The following MAGI3 variants were observed in gnomAD, a reference collection of about 807,000 sequenced individuals.
MAGI3 encodes membrane associated guanylate kinase, WW and PDZ domain containing 3, also known as membrane-associated guanylate kinase, WW and PDZ domain-containing protein 3.
In MAGI3, 43 loss-of-function variants were observed where a neutral mutation model predicts 121.8. That is an observed-to-expected ratio of 0.35 (90% CI 0.28 to 0.46). The LOEUF (loss-of-function observed/expected upper bound fraction) is 0.46, where lower values mean the gene tolerates loss of function less well. Among genes scored for constraint, MAGI3 ranks in the 20% least tolerant of loss-of-function variants. The probability of loss-of-function intolerance (pLI) is 1.00; values close to 1 mark genes in which losing one functional copy is unlikely to be tolerated. For synonymous variants in MAGI3, 553 were observed against 639.3 expected (o/e 0.86, Z 2.04); for missense variants, 1,547 against 1,797.3 (o/e 0.86, Z 2.52).
At chr1:113,522,984 A>G (rs147493788) in intron 1 of MAGI3, among the ~76,000 whole-genome samples, 1 of 152,294 alleles carries the variant, frequency 6.6e-6, no homozygotes, top group Non-Finnish European at 1.5e-5. Context: ...TGTAACTACT[A>G]CAATTCCCAT....
At chr1:113,585,363 C>T (rs1408413892) in intron 3 of MAGI3, 24 bp from the exon 4 acceptor site, 14 of 1,604,768 alleles carry the variant, frequency 8.7e-6, no homozygotes, top group African/African-American at 2.7e-5. Flanking sequence ...TTAGTAATTT[C>T]AGCTGCTATT....
At chr1:113,623,103 A>T in intron 9 of MAGI3, 109 bp downstream of exon 9, 3 of 751,710 alleles carry the variant, frequency 4.0e-6, no homozygotes. Flanking sequence ...TATATAACTA[A>T]AGAAAGAGAT....
At chr1:113,541,346 T>C (rs1470434494) in intron 1 of MAGI3, among the ~76,000 whole-genome samples, 1 of 152,214 alleles carries the variant, frequency 6.6e-6, no homozygotes, top group African/African-American at 2.4e-5. Context: ...GGAGCCTTTC[T>C]TGTGACTGCT....
chr1:113,406,135 AT>A (rs554223058), intron 1 of MAGI3, among the ~76,000 whole-genome samples: 1 of 151,960 alleles, frequency 6.6e-6, no homozygotes, highest in South Asian at 2.1e-4. Flanking sequence ...CTTTAAAAAA[AT>A]CATCTTAAAA....
At chr1:113,455,816 A>G (rs887835554) in intron 1 of MAGI3, among the ~76,000 whole-genome samples, 2 of 152,162 alleles carry the variant, frequency 1.3e-5, no homozygotes, top group African/African-American at 4.8e-5. Flanking sequence ...CTCCCCAAGT[A>G]TATCATAATT....
At chr1:113,478,045 A>C (rs1457533865) in intron 1 of MAGI3, among the ~76,000 whole-genome samples, 1 of 152,184 alleles carries the variant, frequency 6.6e-6, no homozygotes, top group Non-Finnish European at 1.5e-5. Flanking sequence ...TGCAGGCGTC[A>C]CGAAGTTCTC....
At position 113,642,497 on chromosome 1, in the gene MAGI3, A is replaced by G. The variant is rs766205155; in HGVS notation, c.1947A>G (p.Pro649=). The stretch of plus-strand genomic sequence containing the variant: ...AGTTTCCAGTAGGTGCTGATGTACC[A>G]TTGCTTATCTTAAGAGGAGGTAAGT... The part of the protein sequence containing the change: ...LKQFPVGADV[P]LLILRGGPPS... The change falls in exon 10 of 21, where the codon CCA becomes CCG. Residue 649 remains proline (P), a synonymous_variant. Coordinates refer to ENST00000307546, the MANE Select transcript of MAGI3 (RefSeq NM_001142782.2). The G allele has an allele frequency of 5.0e-6, 8 of 1,611,738 alleles. No individual in the cohort carries two copies. In the East Asian group the frequency reaches 6.7e-5, roughly 13 times the overall value.
intron 1 of MAGI3, among the ~76,000 whole-genome samples, chr1:113,510,050 T>C (rs1448795957): frequency 2.6e-5 from 4 of 152,204 alleles, no homozygotes; most frequent in Non-Finnish European, 4.4e-5. Flanking sequence ...TTCTGTGGCA[T>C]TGGAATGAGC....
intron 7 of MAGI3, among the ~76,000 whole-genome samples, chr1:113,619,405 A>T (rs1054881448): frequency 1.3e-5 from 2 of 152,158 alleles, no homozygotes; most frequent in Admixed American, 1.3e-4. Context: ...TGCCTTTTTT[A>T]AAAAAATTAA....
chr1:113,437,213 TAA>T (rs1271618996), intron 1 of MAGI3, among the ~76,000 whole-genome samples: 2 of 152,006 alleles, frequency 1.3e-5, no homozygotes, highest in Non-Finnish European at 2.9e-5. Flanking sequence ...TAATATTTTA[TAA>T]GTTTTAATAT....
At chr1:113,465,641 A>AT (rs1299483370) in intron 1 of MAGI3, among the ~76,000 whole-genome samples, 1 of 152,166 alleles carries the variant, frequency 6.6e-6, no homozygotes, top group African/African-American at 2.4e-5. Flanking sequence ...TAAACATGGA[A>AT]TATCTTTCAA....
At chr1:113,508,370 T>G (rs928966104) in intron 1 of MAGI3, among the ~76,000 whole-genome samples, 11 of 152,142 alleles carry the variant, frequency 7.2e-5, no homozygotes, top group Non-Finnish European at 1.6e-4. Flanking sequence ...TTTAATTCCT[T>G]TGGTCAAAAG....
At chr1:113,480,245 T>C (rs1656045390) in intron 1 of MAGI3, among the ~76,000 whole-genome samples, 1 of 152,232 alleles carries the variant, frequency 6.6e-6, no homozygotes. Context: ...TGACTAGCTT[T>C]GGCAGGGAAT....
chr1:113,622,991 C>A lies in MAGI3; in HGVS notation c.1357C>A (p.Pro453Thr). 6.6e-7 allele frequency: 1 copy of A among 1,503,940 alleles called. No individual in the cohort carries two copies. The highest frequency in any genetic ancestry group is 1.4e-5 in the South Asian group (1 of 70,262). The allele number at this position is 1,503,940 out of a possible 1,614,324, so 93.2% of individuals were successfully genotyped here. Reference protein sequence around the residue: ...GPAAQDGKIAPGDVIVDINGN... With the variant: ...GPAAQDGKIATGDVIVDINGN... ...CGCAGCTCAGGATGGGAAAATTGCA[C>A]CAGGTAAGAAATTTTTCATAATTAT... The change falls in exon 9 of 21, where the codon CCA becomes ACA. Residue 453 changes from proline (P) to threonine (T), a missense_variant. By Grantham distance (38) the Pro-to-Thr change is conservative (BLOSUM62 -1). Coordinates refer to ENST00000307546, the MANE Select transcript of MAGI3 (RefSeq NM_001142782.2).
intron 6 of MAGI3, among the ~76,000 whole-genome samples, chr1:113,604,565 C>CAAAAAAAAAAAA (rs59047770): frequency 2.7e-4 from 17 of 61,990 alleles, no homozygotes; most frequent in African/African-American, 9.4e-4. Flanking sequence ...GTCTCCATCT[C>CAAAAAAAAAAAA]AAAAAAAAAA....
At chr1:113,483,505 C>T (rs776402218) in intron 1 of MAGI3, among the ~76,000 whole-genome samples, 7 of 152,172 alleles carry the variant, frequency 4.6e-5, no homozygotes, top group Non-Finnish European at 8.8e-5. Flanking sequence ...AGAGTCATCA[C>T]CAAATGTGAC....
chr1:113,492,349 G>C (rs1374454848), intron 1 of MAGI3, among the ~76,000 whole-genome samples: 1 of 152,114 alleles, frequency 6.6e-6, no homozygotes, highest in African/African-American at 2.4e-5. Flanking sequence ...CAATAAACTA[G>C]GTATCAAAGG....
In MAGI3 at chr1:113,684,905, T is replaced by C. The variant is rs1482796687; in HGVS notation, c.*891T>C. On this transcript the variant is annotated 3_prime_UTR_variant, in exon 21 of 21. Transcript: ENST00000307546. ...CAACTATTTCTGGATATTTTGGCTG[T>C]ACCTACTACTAAAGTCATTAGTCTT... 2 of 152,400 alleles carry C rather than the reference T, an allele frequency of 1.3e-5. No homozygotes were observed. The highest frequency in any genetic ancestry group is 1.9e-4 in the East Asian group (1 of 5,342). The allele number at this position is 152,400 out of a possible 1,614,324, so 9.4% of individuals were successfully genotyped here. A position where few individuals can be genotyped will look rare whatever the true frequency, so the allele number is the denominator to read the frequency against.
chr1:113,416,331 T>TTAATTATAC (rs1557744636), intron 1 of MAGI3, among the ~76,000 whole-genome samples: 30,579 of 73,212 alleles, frequency 0.42, 9,641 homozygotes, highest in African/African-American at 0.65. Context: ...ATTAATTATA[T>TTAATTATAC]ATCAATCATA....
Sources: allele counts gnomAD v4.1 joint callset (sites outside exome capture counted in the v4.1 genomes callset), GRCh38; gene constraint gnomAD v4.1.1; transcripts MANE v1.5; gene names NCBI Gene and HGNC (gene_info 2026-07-23, HGNC 2026-07-21).